The following TRIM24 variants were observed in gnomAD, a reference collection of about 807,000 sequenced individuals.
TRIM24 encodes the protein transcription intermediary factor 1-alpha.
A neutral mutation model predicts 123.9 loss-of-function variants in TRIM24; 29 were observed. The observed-to-expected ratio is 0.23, with a 90% CI of 0.17 to 0.32. TRIM24 has a LOEUF of 0.32. Ranked by LOEUF, TRIM24 falls within the 10% of genes least tolerant of loss-of-function variation. TRIM24 has a pLI of 1.00. For missense variants in TRIM24, 932 were observed against 1,295.3 expected (o/e 0.72, Z 4.31); for synonymous variants, 456 against 461.1 (o/e 0.99, Z 0.14).
rs898562892 is a variant in TRIM24 at position 138,554,295 on chromosome 7, A to G, written c.1262-403A>G. Among the ~76,000 whole-genome samples the G allele has an allele frequency of 6.6e-6, 1 of 152,178 alleles. No individual in the cohort carries two copies. Among genetic ancestry groups the G allele is most frequent in the African/African-American group, 2.4e-5 (1 of 41,432 alleles). On this transcript the variant is annotated intron_variant, in intron 8 of 18. Transcript: ENST00000343526. The surrounding 1 kb of genome is among the most constrained non-coding windows in gnomAD (Gnocchi z 4.5). Reference sequence around the variant, plus strand: ...TTTTTTCATATATTTTAACTTAACAATATATTATGATAGATAGTGCAGAAA... The same window carrying G: ...TTTTTTCATATATTTTAACTTAACAGTATATTATGATAGATAGTGCAGAAA...
intron 7 of TRIM24, among the ~76,000 whole-genome samples, chr7:138,542,529 G>A (rs1004903132): frequency 6.6e-6 from 1 of 152,212 alleles, no homozygotes; most frequent in East Asian, 1.9e-4. Flanking sequence ...TTACCAAAAT[G>A]TGACAGAGAC....
chr7:138,530,816 G>C lies in TRIM24; in HGVS notation c.996+1586G>C, dbSNP rs542755383. On this transcript the variant is annotated intron_variant, in intron 6 of 18. Coordinates refer to ENST00000343526, the MANE Select transcript of TRIM24 (RefSeq NM_015905.3). The stretch of plus-strand genomic sequence containing the variant: ...GTGTTTTACTTTGTTGTCCAAGCTT[G>C]AATGCAGTGGTGTTTTCACTGCAGC... Among the ~76,000 whole-genome samples the C allele has an allele frequency of 4.6e-4, 70 of 152,042 alleles. 1 individual carries two copies. The highest frequency in any genetic ancestry group is 6.6e-4 in the Non-Finnish European group (45 of 67,988).
chr7:138,568,591 T>A (rs2116665773), intron 10 of TRIM24, among the ~76,000 whole-genome samples: 1 of 151,904 alleles, frequency 6.6e-6, no homozygotes, highest in African/African-American at 2.4e-5. Flanking sequence ...TTCACCATGT[T>A]GGCCAGGCTA....
rs2116528338 is a variant in TRIM24, at chr7:138,504,444, GCTCTTTTTT to G, written c.483+37_483+45del. ...TACATCTTGAACCTTTTGCCTGCCA[GCTCTTTTTT>G]TTTTTTTTTTTTTTTTTTTTGAGAC... On this transcript the variant is annotated intron_variant, in intron 2 of 18. Coordinates refer to ENST00000343526, the MANE Select transcript of TRIM24 (RefSeq NM_015905.3). The G allele has an allele frequency of 5.6e-4, 347 of 623,672 alleles. 7 individuals are homozygous for G. Among genetic ancestry groups the G allele is most frequent in the East Asian group, 1.8e-3 (52 of 28,132 alleles). 38.6% of individuals were successfully genotyped at this position (623,672 alleles called of 1,614,324 possible).
intron 8 of TRIM24, among the ~76,000 whole-genome samples, chr7:138,552,191 G>C (rs1797225888): frequency 6.6e-6 from 1 of 152,152 alleles, no homozygotes; most frequent in Admixed American, 6.5e-5. Flanking sequence ...TAACCTAGGT[G>C]TGTAGTAGGC....
In TRIM24 at chr7:138,558,573, TTGC is replaced by T. The variant is rs1197479779; in HGVS notation, c.1530+3610_1530+3612del. Among the ~76,000 whole-genome samples, 3 of 152,160 alleles carry T rather than the reference TTGC, an allele frequency of 2.0e-5. No homozygotes were observed. In the East Asian group the frequency reaches 5.8e-4, roughly 29 times the overall value. On this transcript the variant is annotated intron_variant, in intron 9 of 18. Coordinates refer to ENST00000343526, the MANE Select transcript of TRIM24 (RefSeq NM_015905.3). ...GTTTTCAGCCAGTTGGGCAAACAGG[TTGC>T]TGGCCAAGGGAGAGGATTCAGGCAA...
intron 1 of TRIM24, chr7:138,461,309 A>C: frequency 3.8e-6 from 2 of 521,374 alleles, no homozygotes; most frequent in Non-Finnish European, 3.8e-6. Context: ...CCAGGTCCAT[A>C]TGATCCTGAT....
intron 4 of TRIM24, among the ~76,000 whole-genome samples, chr7:138,524,912 T>C (rs937813176): frequency 1.3e-5 from 2 of 152,122 alleles, no homozygotes; most frequent in African/African-American, 4.8e-5. Context: ...AATGTAGAAA[T>C]TACAAAATAG....
chr7:138,488,699 A>G (rs1399109494), intron 1 of TRIM24, among the ~76,000 whole-genome samples: 1 of 152,158 alleles, frequency 6.6e-6, no homozygotes, highest in East Asian at 1.9e-4. Context: ...TTGATTGCAC[A>G]GTGGTCTGTG....
chr7:138,578,576 G>T (rs754020964), intron 14 of TRIM24, among the ~76,000 whole-genome samples: 2 of 149,542 alleles, frequency 1.3e-5, no homozygotes. Flanking sequence ...GCGCACGCAC[G>T]AATGGAAGCA....
chr7:138,555,861 G>T (rs1029024123), intron 9 of TRIM24, among the ~76,000 whole-genome samples: 2 of 152,088 alleles, frequency 1.3e-5, no homozygotes. Flanking sequence ...AGTTTAGGAG[G>T]GGGGCGGAAA....
rs143068213 is a variant in TRIM24, at chr7:138,577,344, A to G, written c.2088-76A>G. On this transcript the variant is annotated intron_variant, in intron 13 of 18. Transcript: ENST00000343526. Reference sequence around the variant, plus strand: ...GTTGTGAAGATACAGTATTTTAGAAAGTTGTTGTTATACTTTTTATGAGGT... The same window carrying G: ...GTTGTGAAGATACAGTATTTTAGAAGGTTGTTGTTATACTTTTTATGAGGT... 870 of 1,199,014 alleles carry G rather than the reference A, an allele frequency of 7.3e-4. 2 individuals carry two copies. The African/African-American group carries it at 0.012, about 16-fold the overall frequency. The allele number at this position is 1,199,014 out of a possible 1,614,324, so 74.3% of individuals were successfully genotyped here. A position where few individuals can be genotyped will look rare whatever the true frequency, so the allele number is the denominator to read the frequency against.
chr7:138,584,016 G>GA lies in TRIM24; in HGVS notation c.2943+19dup. On this transcript the variant is annotated intron_variant, in intron 18 of 18. Coordinates refer to ENST00000343526, the MANE Select transcript of TRIM24 (RefSeq NM_015905.3). ...TTCAATGAGGTGAGGCTAGGGGAGG[G>GA]AAGGGGGCAGGAAGGAACAGCAGTG... The GA allele has an allele frequency of 6.3e-7, 1 of 1,592,382 alleles. No individual in the cohort carries two copies. Among genetic ancestry groups the GA allele is most frequent in the South Asian group, 1.2e-5 (1 of 85,110 alleles).
At position 138,585,051 on chromosome 7, in the gene TRIM24, CTA is replaced by C; in HGVS notation, c.*102_*103del. 9.8e-7 allele frequency: 1 copy of C among 1,017,514 alleles called. No homozygotes were observed. The highest frequency in any genetic ancestry group is 1.4e-6 in the Non-Finnish European group (1 of 708,126). The allele number at this position is 1,017,514 out of a possible 1,614,324, so 63.0% of individuals were successfully genotyped here. On this transcript the variant is annotated 3_prime_UTR_variant, in exon 19 of 19. Transcript: ENST00000343526. ...TCACTACAAAAAGAAGAGTTTGTGACTATTCTCATCTCTGTTTTGGACGTTTA... is the reference window on the plus strand; with the variant it reads ...TCACTACAAAAAGAAGAGTTTGTGACTTCTCATCTCTGTTTTGGACGTTTA...
intron 1 of TRIM24, among the ~76,000 whole-genome samples, chr7:138,501,462 C>A (rs1486279753): frequency 6.6e-6 from 1 of 151,972 alleles, no homozygotes; most frequent in African/African-American, 2.4e-5. Context: ...AACTCCTGAC[C>A]TCAAGTGATC....
intron 7 of TRIM24, among the ~76,000 whole-genome samples, chr7:138,541,234 A>C (rs979401714): frequency 6.6e-6 from 1 of 152,050 alleles, no homozygotes; most frequent in African/African-American, 2.4e-5. Flanking sequence ...GGCTCACTTG[A>C]GGCTTGGAGT....
At chr7:138,499,618 G>A (rs1795991838) in intron 1 of TRIM24, among the ~76,000 whole-genome samples, 1 of 152,128 alleles carries the variant, frequency 6.6e-6, no homozygotes, top group Non-Finnish European at 1.5e-5. Context: ...AGGGTGGAGG[G>A]AATGACAGGA....
intron 1 of TRIM24, among the ~76,000 whole-genome samples, chr7:138,485,272 T>A (rs1795618922): frequency 6.6e-6 from 1 of 152,186 alleles, no homozygotes; most frequent in Non-Finnish European, 1.5e-5. Flanking sequence ...AAGTATATAA[T>A]TCTGTGGCAT....
rs375350029 is a variant in TRIM24 at position 138,475,657 on chromosome 7, C to T, written c.364+14745C>T. Among the ~76,000 whole-genome samples, 108 of 152,216 alleles carry T rather than the reference C, an allele frequency of 7.1e-4. No homozygotes were observed. The South Asian group carries it at 0.012, about 17-fold the overall frequency. On this transcript the variant is annotated intron_variant, in intron 1 of 18. Transcript: ENST00000343526. ...TCCCAAGCAGCTGGGACTACAGGAG[C>T]GATGCACCATACCCAGCTAATTTTG...
Sources: allele counts gnomAD v4.1 joint callset (sites outside exome capture counted in the v4.1 genomes callset), GRCh38; gene constraint gnomAD v4.1.1; non-coding constraint Gnocchi (gnomAD v3.1); transcripts MANE v1.5; gene names NCBI Gene and HGNC (gene_info 2026-07-23, HGNC 2026-07-21).